The following NOL9 variants were observed in gnomAD, a reference collection of about 807,000 sequenced individuals.
NOL9 encodes the protein nucleolar protein 9.
NOL9 carries 28 observed loss-of-function variants against 67.9 expected under a neutral mutation model. That is an observed-to-expected ratio of 0.41 (90% CI 0.31 to 0.57). NOL9 has a LOEUF of 0.57. NOL9 is among the 20% of genes least tolerant of loss of function. The pLI, the probability that NOL9 is intolerant of heterozygous loss-of-function variation, is 0.25. For missense variants in NOL9, 777 were observed against 897.0 expected (o/e 0.87, Z 1.71); for synonymous variants, 356 against 352.2 (o/e 1.01, Z -0.12).
intron 6 of NOL9, among the ~76,000 whole-genome samples, chr1:6,541,581 A>T (rs997517128): frequency 6.6e-6 from 1 of 152,228 alleles, no homozygotes; most frequent in Admixed American, 6.5e-5. Context: ...ACATAAAACA[A>T]AATAATTTTT....
rs930244162 is a variant in NOL9 at position 6,526,769 on chromosome 1, G to A, written c.1886C>T (p.Pro629Leu). 7.4e-6 allele frequency: 12 copies of A among 1,613,422 alleles called. No homozygotes were observed. The highest frequency in any genetic ancestry group is 2.2e-5 in the South Asian group (2 of 90,992). The change falls in exon 11 of 12, where the codon CCG (proline) becomes CTG (leucine). Residue 629 changes from proline (P) to leucine (L), a missense_variant. Physicochemically the swap from Pro to Leu is moderately conservative, Grantham distance 98. Transcript: ENST00000377705. The part of the protein sequence containing the change: ...RLYHILTPVP[P>L]EELRTVNCLL... ...ACAATTCACGGTCCTTAGCTCTTCC[G>A]GGGGCACAGGGGTGAGGATGTGGTA...
intron 8 of NOL9, 142 bp downstream of exon 8, chr1:6,532,321 C>A: frequency 1.2e-6 from 1 of 835,402 alleles, no homozygotes; most frequent in East Asian, 2.6e-5. Context: ...GTTCAGAAAA[C>A]AACTGGTTCG....
Position 6,545,072 on chromosome 1 carries a change from G to A in NOL9, c.853C>T (p.Leu285=), listed in dbSNP as rs1307228581. 2 of 1,614,062 alleles carry A rather than the reference G, an allele frequency of 1.2e-6. No homozygotes were observed. The highest frequency in any genetic ancestry group is 1.7e-6 in the Non-Finnish European group (2 of 1,180,032). Residue 285 remains leucine (L), a synonymous_variant, in exon 4 of 12, where the codon CTG becomes TTG. Coordinates refer to ENST00000377705, the MANE Select transcript of NOL9 (RefSeq NM_024654.5). ...LQLTESTLSA[L]EELVNVSCEE... is the part of the protein sequence containing the mutation. ...CAGGAAACATTGACTAACTCTTCCAGGGCTGAAAGGGTACTCTCAGTTAAC... is the reference window on the plus strand; with the variant it reads ...CAGGAAACATTGACTAACTCTTCCAAGGCTGAAAGGGTACTCTCAGTTAAC...
chr1:6,547,652 C>G (rs184015257), intron 3 of NOL9, among the ~76,000 whole-genome samples: 72 of 152,158 alleles, frequency 4.7e-4, no homozygotes, highest in Admixed American at 2.0e-3. Flanking sequence ...TCCAAGAGTT[C>G]GTGACCAGCC....
chr1:6,529,359 C>T (rs1028013250), intron 9 of NOL9, among the ~76,000 whole-genome samples, 188 bp from the exon 10 acceptor site: 14 of 151,664 alleles, frequency 9.2e-5, no homozygotes, highest in African/African-American at 7.3e-5. Context: ...GGGAGGCCGA[C>T]GCGGGTGGAT....
intron 1 of NOL9, among the ~76,000 whole-genome samples, chr1:6,550,858 C>T (rs189239769): frequency 0.018 from 2,661 of 151,994 alleles, 46 homozygotes; most frequent in Non-Finnish European, 0.026. Context: ...TAATTTTGTA[C>T]TTTTAATAAA....
chr1:6,551,628 T>C (rs1639544493), intron 1 of NOL9, among the ~76,000 whole-genome samples: 2 of 151,572 alleles, frequency 1.3e-5, no homozygotes, highest in South Asian at 4.2e-4. Context: ...TTAAATAAAA[T>C]TAAAAAATTT....
At chr1:6,540,124 CTTTTTTT>C (rs770304509) in intron 6 of NOL9, among the ~76,000 whole-genome samples, 1 of 104,382 alleles carries the variant, frequency 9.6e-6, no homozygotes, top group Non-Finnish European at 1.8e-5. Flanking sequence ...GAGAGTTATT[CTTTTTTT>C]TTTTTTTTTG....
At position 6,524,738 on chromosome 1, in the gene NOL9, A is replaced by ATTTTTT. The variant is rs1172544428; in HGVS notation, c.*1115_*1116insAAAAAA. 1.3e-5 allele frequency: 2 copies of ATTTTTT among 151,446 alleles called. No homozygotes were observed. Among genetic ancestry groups the ATTTTTT allele is most frequent in the African/African-American group, 4.9e-5 (2 of 41,012 alleles). The allele number at this position is 151,446 out of a possible 1,614,324, so 9.4% of individuals were successfully genotyped here. ...AGAGCCCCCAGAAGAGGTTTTCCAG[A>ATTTTTT]TTATTATTTTTTTTTTTTGAGATGG... On this transcript the variant is annotated 3_prime_UTR_variant, in exon 12 of 12. Transcript: ENST00000377705.
At chr1:6,538,808 C>A (rs1447030301) in intron 6 of NOL9, among the ~76,000 whole-genome samples, 1 of 152,038 alleles carries the variant, frequency 6.6e-6, no homozygotes, top group African/African-American at 2.4e-5. Flanking sequence ...TGTGGTGAAA[C>A]CCTATCTCTA....
At chr1:6,552,461 T>G (rs559426586) in intron 1 of NOL9, among the ~76,000 whole-genome samples, 223 of 152,278 alleles carry the variant, frequency 1.5e-3, no homozygotes, top group African/African-American at 5.2e-3. Context: ...TATTTAATTT[T>G]TATTTATTTA....
At chr1:6,529,249 G>T in intron 9 of NOL9, 78 bp from the exon 10 acceptor site, 1 of 1,326,614 alleles carries the variant, frequency 7.5e-7, no homozygotes, top group Non-Finnish European at 1.1e-6. Context: ...AGATTAACCA[G>T]CTATCTAAAG....
chr1:6,528,467 G>C (rs546091580), intron 10 of NOL9, among the ~76,000 whole-genome samples: 6 of 152,160 alleles, frequency 3.9e-5, no homozygotes, highest in Non-Finnish European at 7.3e-5. Flanking sequence ...CCAAATGAAG[G>C]CTAGGGGATG....
At chr1:6,531,387 G>A (rs938357091) in intron 9 of NOL9, among the ~76,000 whole-genome samples, 3 of 151,964 alleles carry the variant, frequency 2.0e-5, no homozygotes, top group African/African-American at 7.3e-5. Context: ...CTAATTTTTT[G>A]TATTTTTAAT....
At chr1:6,547,901 G>T in intron 3 of NOL9, 1 of 182,126 alleles carries the variant, frequency 5.5e-6, no homozygotes, top group South Asian at 9.6e-5. Context: ...CACGAAGTGA[G>T]AATGGTCCAG....
chr1:6,535,955 C>T (rs974842492), intron 6 of NOL9, among the ~76,000 whole-genome samples: 5 of 148,292 alleles, frequency 3.4e-5, no homozygotes, highest in Admixed American at 2.0e-4. Flanking sequence ...TTGGAGGTAT[C>T]ACATTCTCTG....
In NOL9 at chr1:6,547,958, C is replaced by T. The variant is rs114662428; in HGVS notation, c.744+1613G>A. ...CTTTCCTACAATACATCATCATAGG[C>T]TTCCTACAATACACCGTCATAGGCT... On this transcript the variant is annotated intron_variant, in intron 3 of 11. Transcript: ENST00000377705. The T allele has an allele frequency of 2.8e-3, 713 of 257,190 alleles. 3 individuals are homozygous for T. Among genetic ancestry groups the T allele is most frequent in the Non-Finnish European group, 2.9e-3 (364 of 125,562 alleles). 15.9% of individuals were successfully genotyped at this position (257,190 alleles called of 1,614,324 possible). A position where few individuals can be genotyped will look rare whatever the true frequency, so the allele number is the denominator to read the frequency against.
intron 5 of NOL9, among the ~76,000 whole-genome samples, chr1:6,543,208 T>TG (rs1399253141): frequency 2.8e-4 from 14 of 49,490 alleles, no homozygotes; most frequent in Non-Finnish European, 5.0e-4. Context: ...TTTCTTTTTT[T>TG]TTTTTGAGAC....
chr1:6,532,591 G>A lies in NOL9; in HGVS notation c.1407C>T (p.Phe469=), dbSNP rs1639054776. The A allele has an allele frequency of 1.2e-6, 2 of 1,614,190 alleles. No homozygotes were observed. The highest frequency in any genetic ancestry group is 1.3e-5 in the African/African-American group (1 of 75,036). The change falls in exon 8 of 12, where the codon TTC becomes TTT. Residue 469 remains phenylalanine (F), a synonymous_variant. Transcript: ENST00000377705. ...KSKTKMRNRR[F]RLAAFADALE... is the part of the protein sequence containing the mutation. ...AAGCATCTGCAAATGCTGCGAGTCTGAAACGTCGATTTCTCATCTTGGTCT... is the reference window on the plus strand; with the variant it reads ...AAGCATCTGCAAATGCTGCGAGTCTAAAACGTCGATTTCTCATCTTGGTCT...
Sources: gnomAD v4.1 joint callset for allele counts (sites outside exome capture counted in the v4.1 genomes callset) on GRCh38, gnomAD v4.1.1 for gene constraint, MANE v1.5 for transcripts, NCBI Gene and HGNC (gene_info 2026-07-23, HGNC 2026-07-21) for gene names.